The following INSR variants were observed in gnomAD, a reference collection of about 807,000 sequenced individuals.
INSR encodes IR.
In INSR, 67 loss-of-function variants were observed where a neutral mutation model predicts 142.6. That is an observed-to-expected ratio of 0.47 (90% CI 0.39 to 0.58). INSR has a LOEUF of 0.58. INSR is among the 20% of genes least tolerant of loss of function. The pLI is 0.00. For synonymous variants in INSR, 756 were observed against 743.1 expected (o/e 1.02, Z -0.28); for missense variants, 1,248 against 1,833.2 (o/e 0.68, Z 5.83).
At position 7,150,582 on chromosome 19, in the gene INSR, C is replaced by A; in HGVS notation, c.2232-50G>T. Reference sequence around the variant, plus strand: ...TGAGGACAGAGGGAACTTCATTAGACAGACCACTGGGCTCTGACACTTGGA... The same window carrying A: ...TGAGGACAGAGGGAACTTCATTAGAAAGACCACTGGGCTCTGACACTTGGA... On this transcript the variant is annotated intron_variant, in intron 10 of 21. Transcript: ENST00000302850. This position sits in a 1 kb window ranked among gnomAD's most constrained non-coding sequence, Gnocchi z 4.2. The A allele has an allele frequency of 3.2e-6, 5 of 1,586,580 alleles. No homozygotes were observed. Among genetic ancestry groups the A allele is most frequent in the Non-Finnish European group, 4.3e-6 (5 of 1,155,538 alleles).
intron 2 of INSR, among the ~76,000 whole-genome samples, chr19:7,261,430 T>C (rs919275): frequency 0.48 from 73,254 of 152,058 alleles, 19,762 homozygotes; most frequent in African/African-American, 0.74. Flanking sequence ...CTGGTATCTT[T>C]GCCCCAAATC....
At chr19:7,191,463 C>T (rs1003032063) in intron 2 of INSR, among the ~76,000 whole-genome samples, 14 of 152,130 alleles carry the variant, frequency 9.2e-5, no homozygotes, top group Non-Finnish European at 1.8e-4. Flanking sequence ...TTTCCACATA[C>T]TCTTGCTCCC....
At chr19:7,158,580 T>A (rs1973673231) in intron 9 of INSR, among the ~76,000 whole-genome samples, 1 of 151,858 alleles carries the variant, frequency 6.6e-6, no homozygotes, top group African/African-American at 2.4e-5. Flanking sequence ...GAAAGGAGGA[T>A]GGTGGGTGCT....
chr19:7,243,370 C>T (rs932189660), intron 2 of INSR, among the ~76,000 whole-genome samples: 49 of 150,684 alleles, frequency 3.3e-4, no homozygotes, highest in African/African-American at 1.1e-3. Context: ...CTCAGCTTCC[C>T]GAGTAGCTGG....
chr19:7,259,911 G>T (rs576403262), intron 2 of INSR, among the ~76,000 whole-genome samples: 3 of 152,006 alleles, frequency 2.0e-5, no homozygotes, highest in Non-Finnish European at 2.9e-5. Flanking sequence ...GGCTGAGGTG[G>T]GGGGATTCCT....
intron 2 of INSR, among the ~76,000 whole-genome samples, chr19:7,197,146 G>A (rs960716087): frequency 2.6e-5 from 4 of 152,258 alleles, no homozygotes; most frequent in Non-Finnish European, 2.9e-5. Context: ...TGTCCTTGAA[G>A]CGGGGAAGCG....
chr19:7,281,337 A>AACAC (rs34319011), intron 1 of INSR, among the ~76,000 whole-genome samples: 9 of 150,610 alleles, frequency 6.0e-5, no homozygotes, highest in Non-Finnish European at 1.0e-4. Flanking sequence ...ACAACAAACA[A>AACAC]ACACACACAC....
chr19:7,227,723 T>A (rs185899398), intron 2 of INSR, among the ~76,000 whole-genome samples: 1 of 152,224 alleles, frequency 6.6e-6, no homozygotes, highest in Admixed American at 6.5e-5. Flanking sequence ...TTACAAAACA[T>A]GTTCTCCATC....
At chr19:7,154,582 G>A (rs955130820) in intron 9 of INSR, among the ~76,000 whole-genome samples, 11 of 150,770 alleles carry the variant, frequency 7.3e-5, no homozygotes, top group South Asian at 2.1e-4. Context: ...GATTACAGGC[G>A]TGAGCCACTG....
At chr19:7,217,484 C>T (rs1291925161) in intron 2 of INSR, among the ~76,000 whole-genome samples, 1 of 152,188 alleles carries the variant, frequency 6.6e-6, no homozygotes, top group African/African-American at 2.4e-5. Context: ...ATTCAACCGA[C>T]CACATTCACC....
chr19:7,131,687 C>CTTTT (rs371571877), intron 14 of INSR, among the ~76,000 whole-genome samples: 5 of 122,024 alleles, frequency 4.1e-5, no homozygotes, highest in Admixed American at 2.5e-4. Context: ...ACCTCTGAAA[C>CTTTT]TTTTTTTTTT....
chr19:7,237,134 G>C (rs150330324), intron 2 of INSR, among the ~76,000 whole-genome samples: 202 of 152,082 alleles, frequency 1.3e-3, no homozygotes, highest in Admixed American at 3.9e-3. Flanking sequence ...ATACTGCTCG[G>C]GTGATGGATC....
At chr19:7,145,759 C>T (rs1337874196) in intron 11 of INSR, among the ~76,000 whole-genome samples, 2 of 152,214 alleles carry the variant, frequency 1.3e-5, no homozygotes, top group African/African-American at 4.8e-5. Flanking sequence ...ATAGCAATGA[C>T]TTTATTTCCC....
intron 1 of INSR, among the ~76,000 whole-genome samples, chr19:7,273,481 G>A (rs12979424): frequency 0.23 from 35,355 of 151,794 alleles, 5,216 homozygotes; most frequent in Non-Finnish European, 0.34. Context: ...ATGAGGAAGA[G>A]GGTGCTAAGT....
In INSR at chr19:7,242,271, A is replaced by C. The variant is rs145472037; in HGVS notation, c.652+25074T>G. 4.2e-4 allele frequency among the ~76,000 whole-genome samples: 64 copies of C among 152,182 alleles called. No individual in the cohort carries two copies. The East Asian group carries it at 6.6e-3, about 16-fold the overall frequency. ...GTAGCCCCAGCTACTTGGGAGGCTGAAGCTTGAGGATCCCTTTAGCCCAGG... is the reference window on the plus strand; with the variant it reads ...GTAGCCCCAGCTACTTGGGAGGCTGCAGCTTGAGGATCCCTTTAGCCCAGG... On this transcript the variant is annotated intron_variant, in intron 2 of 21. Coordinates refer to ENST00000302850, the MANE Select transcript of INSR (RefSeq NM_000208.4).
intron 8 of INSR, among the ~76,000 whole-genome samples, chr19:7,163,925 T>TAAAAAAAAAAAA (rs748862314): frequency 0.02 from 874 of 44,524 alleles, 81 homozygotes; most frequent in African/African-American, 0.033. Context: ...CTATCTCTAC[T>TAAAAAAAAAAAA]AAAAAAAAAA....
intron 3 of INSR, 134 bp from the exon 4 acceptor site, chr19:7,174,865 CAG>C: frequency 4.3e-6 from 4 of 926,154 alleles, no homozygotes; most frequent in Non-Finnish European, 6.5e-6. Context: ...GTTTGTGTGA[CAG>C]AGTCTCGCTC....
At chr19:7,233,442 G>A (rs2145132134) in intron 2 of INSR, among the ~76,000 whole-genome samples, 1 of 152,218 alleles carries the variant, frequency 6.6e-6, no homozygotes, top group East Asian at 1.9e-4. Context: ...GTGCTAGGTA[G>A]GGGGAGAAAG....
chr19:7,209,945 G>A (rs1030124920), intron 2 of INSR, among the ~76,000 whole-genome samples: 19 of 152,114 alleles, frequency 1.2e-4, no homozygotes, highest in Admixed American at 5.9e-4. Context: ...TACTAACAAA[G>A]GGCTGGAAAT....
Sources: allele counts gnomAD v4.1 joint callset (sites outside exome capture counted in the v4.1 genomes callset), GRCh38; gene constraint gnomAD v4.1.1; non-coding constraint Gnocchi (gnomAD v3.1); transcripts MANE v1.5; gene names NCBI Gene and HGNC (gene_info 2026-07-23, HGNC 2026-07-21).